Variants in CPNE2 observed in about 807,000 individuals in gnomAD.
CPNE2 encodes copine-2.
A neutral mutation model predicts 69.7 loss-of-function variants in CPNE2; 42 were observed. The ratio of observed to expected loss-of-function variants is 0.60; its 90% CI spans 0.47 to 0.78. The LOEUF is 0.78. Ranked by LOEUF, CPNE2 falls within the 30% of genes least tolerant of loss-of-function variation. The pLI is 0.00. For synonymous variants in CPNE2, 294 were observed against 289.8 expected, an observed-to-expected ratio of 1.01 and a Z score of -0.15; for missense variants, 587 against 732.0, an observed-to-expected ratio of 0.80 and a Z score of 2.29.
chr16:57,138,548 C>T (rs540403711), intron 14 of CPNE2, among the ~76,000 whole-genome samples: 4 of 152,184 alleles, frequency 2.6e-5, no homozygotes, highest in Admixed American at 2.0e-4. Flanking sequence ...CACCTAACCC[C>T]CCGTGTGTTC....
chr16:57,134,729 G>C, intron 12 of CPNE2, 46 bp from the exon 13 acceptor site: 2 of 1,612,376 alleles, frequency 1.2e-6, no homozygotes, highest in South Asian at 2.2e-5. Flanking sequence ...CTGGGTCTGG[G>C]TTTGGGGGCG....
At chr16:57,100,147 C>T (rs1451122475) in intron 1 of CPNE2, among the ~76,000 whole-genome samples, 1 of 152,040 alleles carries the variant, frequency 6.6e-6, no homozygotes, top group Non-Finnish European at 1.5e-5. Context: ...TCAAGTGATC[C>T]GCCCACCTCA....
intron 1 of CPNE2, among the ~76,000 whole-genome samples, chr16:57,098,333 C>T (rs8045531): frequency 0.039 from 5,865 of 152,290 alleles, 355 homozygotes; most frequent in African/African-American, 0.13. Context: ...CAGCCGGTGC[C>T]GTAGCCTCGG....
intron 1 of CPNE2, among the ~76,000 whole-genome samples, chr16:57,100,735 A>G (rs1304688127): frequency 6.6e-6 from 1 of 152,166 alleles, no homozygotes; most frequent in Non-Finnish European, 1.5e-5. Context: ...TGGGACAGGC[A>G]TTATTATTCT....
At chr16:57,145,333 C>G (rs1439777948) in intron 14 of CPNE2, among the ~76,000 whole-genome samples, 1 of 152,216 alleles carries the variant, frequency 6.6e-6, no homozygotes, top group Non-Finnish European at 1.5e-5. Context: ...AAGACTTGCT[C>G]CTGGGTGCAG....
chr16:57,135,158 G>A (rs931161317), intron 13 of CPNE2, among the ~76,000 whole-genome samples: 5 of 152,166 alleles, frequency 3.3e-5, no homozygotes, highest in Non-Finnish European at 7.4e-5. Context: ...GCCACTGACA[G>A]GAAGTCCTGT....
Position 57,125,633 on chromosome 16 carries a change from C to T in CPNE2, c.928-227C>T, listed in dbSNP as rs114978311. ...TGTACGTTAGTCTCTTATGTCATCA[C>T]ATCTAGGCAGTGGACTTTATGCTTG... is the stretch of plus-strand genomic sequence containing the variant. On this transcript the variant is annotated intron_variant, in intron 10 of 15. Coordinates refer to ENST00000290776, the MANE Select transcript of CPNE2 (RefSeq NM_152727.6). 3.2e-3 allele frequency: 1,836 copies of T among 579,084 alleles called. 27 individuals carry two copies. The highest frequency in any genetic ancestry group is 0.032 in the African/African-American group (1,693 of 53,538). 35.9% of individuals were successfully genotyped at this position (579,084 alleles called of 1,614,324 possible).
intron 7 of CPNE2, among the ~76,000 whole-genome samples, chr16:57,120,024 G>A (rs1349342140): frequency 6.6e-6 from 1 of 152,234 alleles, no homozygotes. Flanking sequence ...TGTAATCCCA[G>A]CACTTTGGGA....
intron 10 of CPNE2, chr16:57,125,436 G>T (rs1274935838): frequency 6.7e-6 from 3 of 445,766 alleles, no homozygotes; most frequent in Non-Finnish European, 4.6e-6. Context: ...ATCTGGGAAG[G>T]TTGCAGTGGA....
At chr16:57,127,732 G>A (rs2069810605) in intron 11 of CPNE2, 117 bp from the exon 12 acceptor site, 1 of 991,904 alleles carries the variant, frequency 1.0e-6, no homozygotes, top group Admixed American at 2.1e-5. Context: ...TAGAGGTGGT[G>A]AGCTCCTCCT....
In CPNE2 at chr16:57,134,868, G is replaced by A. The variant is rs763181091; in HGVS notation, c.1168+42G>A. 1.1e-5 allele frequency: 18 copies of A among 1,607,516 alleles called. No homozygotes were observed. The East Asian group carries it at 2.0e-4, about 18-fold the overall frequency. Reference sequence around the variant, plus strand: ...CCTGCAGCTGCCCTGTGTTTGCTACGGGCCTGGCCAGCTCCCTGGGTGGAG... The same window carrying A: ...CCTGCAGCTGCCCTGTGTTTGCTACAGGCCTGGCCAGCTCCCTGGGTGGAG... On this transcript the variant is annotated intron_variant, in intron 13 of 15. Transcript: ENST00000290776.
rs1247286331 is a variant in CPNE2 at position 57,113,448 on chromosome 16, TCTC to T, written c.344_346del (p.Ser115del). 31 of 1,613,618 alleles carry T rather than the reference TCTC, an allele frequency of 1.9e-5. No individual in the cohort carries two copies. The highest frequency in any genetic ancestry group is 4.0e-5 in the African/African-American group (3 of 74,898). On this transcript the variant is annotated inframe_deletion, in exon 3 of 16. Transcript: ENST00000290776. ...GACGAGCATGACTTCCTGGGCCAGT[TCTC>T]CTGCAGCCTGGGCACGGTGAGCTGG...
At chr16:57,144,194 A>G (rs1842521347) in intron 14 of CPNE2, 1 of 152,290 alleles carries the variant, frequency 6.6e-6, no homozygotes, top group South Asian at 2.1e-4. Flanking sequence ...GATTCAGGCC[A>G]CCATCTCCAT....
At chr16:57,135,932 AGAAAG>A (rs1266409972) in intron 13 of CPNE2, among the ~76,000 whole-genome samples, 23 of 137,782 alleles carry the variant, frequency 1.7e-4, no homozygotes, top group Admixed American at 2.2e-4. Flanking sequence ...AGAGACAGAG[AGAAAG>A]GAAAGGAAAG....
At chr16:57,123,992 C>T (rs1395321407) in intron 10 of CPNE2, 5 of 173,224 alleles carry the variant, frequency 2.9e-5, no homozygotes, top group Admixed American at 2.3e-4. Flanking sequence ...GAGGAGGTAA[C>T]GGAGGTCACC....
chr16:57,133,838 A>G (rs964934939), intron 12 of CPNE2, among the ~76,000 whole-genome samples: 9 of 152,012 alleles, frequency 5.9e-5, no homozygotes, highest in Middle Eastern at 3.4e-3. Context: ...CTGCCCTTCC[A>G]TTGGGGTGTT....
At chr16:57,102,634 C>T (rs1402695186) in intron 1 of CPNE2, among the ~76,000 whole-genome samples, 6 of 151,330 alleles carry the variant, frequency 4.0e-5, no homozygotes, top group African/African-American at 1.5e-4. Context: ...GAGGGTCTCC[C>T]TGTGTTGCCC....
At chr16:57,137,911 C>T (rs1300298689) in intron 14 of CPNE2, among the ~76,000 whole-genome samples, 1 of 152,218 alleles carries the variant, frequency 6.6e-6, no homozygotes, top group Non-Finnish European at 1.5e-5. Context: ...TTGCCCACCT[C>T]CCCATTTCCA....
intron 10 of CPNE2, 122 bp from the exon 11 acceptor site, chr16:57,125,737 TG>T: frequency 1.5e-5 from 18 of 1,208,232 alleles, no homozygotes; most frequent in Non-Finnish European, 2.1e-5. Context: ...ACCATCTTAT[TG>T]TGGGGAGGGC....
Sources: gnomAD v4.1 joint callset for allele counts (sites outside exome capture counted in the v4.1 genomes callset) on GRCh38, gnomAD v4.1.1 for gene constraint, MANE v1.5 for transcripts, NCBI Gene and HGNC (gene_info 2026-07-23, HGNC 2026-07-21) for gene names.